The following CA8 variants were observed in gnomAD, a reference collection of about 807,000 sequenced individuals.
CA8 encodes carbonic anhydrase 8 (inactive).
Under a neutral mutation model 41.4 loss-of-function variants are expected in CA8, and 22 were observed. The ratio of observed to expected loss-of-function variants is 0.53; its 90% confidence interval spans 0.38 to 0.76. The LOEUF (loss-of-function observed/expected upper bound fraction) is 0.76. CA8 is among the 30% of genes least tolerant of loss of function. The pLI, the probability that CA8 is intolerant of heterozygous loss-of-function variation, is 0.00. For missense variants in CA8, 270 were observed against 352.8 expected, an observed-to-expected ratio of 0.77 and a Z score of 1.88; for synonymous variants, 121 against 130.6, an observed-to-expected ratio of 0.93 and a Z score of 0.50.
intron 7 of CA8, among the ~76,000 whole-genome samples, chr8:60,217,721 C>T (rs1055414696): frequency 5.9e-5 from 9 of 152,216 alleles, no homozygotes; most frequent in Non-Finnish European, 1.3e-4. Flanking sequence ...CAATACCTTA[C>T]ACTTGCCAGT....
rs776347104 is a variant in CA8, at chr8:60,281,389, C to T, written c.-242G>A. 9.4e-5 allele frequency: 50 copies of T among 534,560 alleles called. No homozygotes were observed. The highest frequency in any genetic ancestry group is 1.5e-4 in the Non-Finnish European group (45 of 298,990). The allele number at this position is 534,560 out of a possible 1,614,324, so 33.1% of individuals were successfully genotyped here. A position where few individuals can be genotyped will look rare whatever the true frequency, so the allele number is the denominator to read the frequency against. On this transcript the variant is annotated 5_prime_UTR_variant, in exon 1 of 9. Transcript: ENST00000317995. ...CGGAGGCCCCAGCAGAGCGAGGGAGCGGCTGTGGCCTGGGGAGCGAGCGCC... is the reference window on the plus strand; with the variant it reads ...CGGAGGCCCCAGCAGAGCGAGGGAGTGGCTGTGGCCTGGGGAGCGAGCGCC...
At chr8:60,256,565 A>G (rs1808647232) in intron 3 of CA8, among the ~76,000 whole-genome samples, 1 of 152,214 alleles carries the variant, frequency 6.6e-6, no homozygotes, top group African/African-American at 2.4e-5. Flanking sequence ...TCCCTGTGCC[A>G]TTTTAAGCTG....
intron 3 of CA8, among the ~76,000 whole-genome samples, chr8:60,262,658 T>C (rs1480315124): frequency 6.6e-6 from 1 of 152,318 alleles, no homozygotes; most frequent in East Asian, 1.9e-4. Context: ...AAATGTACTC[T>C]GGGCAACATA....
intron 8 of CA8, among the ~76,000 whole-genome samples, chr8:60,192,083 T>C (rs1382839597): frequency 6.6e-6 from 1 of 152,268 alleles, no homozygotes; most frequent in African/African-American, 2.4e-5. Flanking sequence ...CTTACTTATA[T>C]ATTTTTCAAA....
Position 60,266,054 on chromosome 8 carries a change from A to G in CA8, c.293-5T>C. 1 of 1,613,406 alleles carries G rather than the reference A, an allele frequency of 6.2e-7. No homozygotes were observed. Among genetic ancestry groups the G allele is most frequent in the East Asian group, 2.2e-5 (1 of 44,874 alleles). ...GCAATGGTCCTCCCGAAAGAACTGA[A>G]AAAGAAAATATATGTTACCGAATTA... On this transcript the variant is annotated splice_region_variant and splice_polypyrimidine_tract_variant and intron_variant, in intron 2 of 8. Coordinates refer to ENST00000317995, the MANE Select transcript of CA8 (RefSeq NM_004056.6).
chr8:60,275,731 A>G (rs1277737713), intron 2 of CA8, among the ~76,000 whole-genome samples: 4 of 152,124 alleles, frequency 2.6e-5, no homozygotes, highest in African/African-American at 9.7e-5. Flanking sequence ...GACTGGAAAA[A>G]CCTACCAAGT....
intron 4 of CA8, among the ~76,000 whole-genome samples, chr8:60,228,585 C>A (rs1181920131): frequency 1.3e-5 from 2 of 152,210 alleles, no homozygotes; most frequent in African/African-American, 4.8e-5. Flanking sequence ...CACCTCTTAG[C>A]TGTGTGGCCT....
Position 60,224,573 on chromosome 8 carries a change from T to C in CA8, c.589A>G (p.Thr197Ala). ...GTGTTAGGATTAAAGCAAGGTATTGTTTTGGACTTCCCCTGAAAAAGAAAA... is the reference window on the plus strand; with the variant it reads ...GTGTTAGGATTAAAGCAAGGTATTGCTTTGGACTTCCCCTGAAAAAGAAAA... The part of the protein sequence containing the change: ...QDIQYKGKSK[T>A]IPCFNPNTLL... The change falls in exon 6 of 9, where the codon ACA becomes GCA. Residue 197 changes from threonine (T) to alanine (A), a missense_variant. Transcript: ENST00000317995. The C allele has an allele frequency of 1.3e-6, 2 of 1,572,198 alleles. No individual in the cohort carries two copies. Among genetic ancestry groups the C allele is most frequent in the Non-Finnish European group, 1.7e-6 (2 of 1,143,154 alleles).
At chr8:60,191,653 G>C (rs1443458836) in intron 8 of CA8, among the ~76,000 whole-genome samples, 1 of 152,096 alleles carries the variant, frequency 6.6e-6, no homozygotes, top group East Asian at 1.9e-4. Flanking sequence ...ACACATTTTG[G>C]AGGACCAGTG....
At chr8:60,207,297 T>C (rs974022208) in intron 8 of CA8, among the ~76,000 whole-genome samples, 3 of 152,236 alleles carry the variant, frequency 2.0e-5, no homozygotes, top group African/African-American at 7.2e-5. Context: ...CACACTTAAT[T>C]AAGTAACCCC....
chr8:60,226,966 C>T (rs1181369116), intron 4 of CA8, 31 bp from the exon 5 acceptor site: 2 of 1,490,292 alleles, frequency 1.3e-6, no homozygotes, highest in East Asian at 4.5e-5. Flanking sequence ...ACCACAACCA[C>T]AACATTTTTC....
At chr8:60,260,149 C>T (rs995325139) in intron 3 of CA8, among the ~76,000 whole-genome samples, 4 of 152,112 alleles carry the variant, frequency 2.6e-5, no homozygotes, top group African/African-American at 9.7e-5. Flanking sequence ...AAAAGCACTG[C>T]CTAGAGCAGA....
intron 3 of CA8, among the ~76,000 whole-genome samples, chr8:60,261,953 G>A (rs10109065): frequency 0.34 from 51,901 of 151,744 alleles, 9,024 homozygotes; most frequent in Non-Finnish European, 0.38. Flanking sequence ...CTCATGATCC[G>A]CCCGCCTCGG....
chr8:60,269,823 G>C (rs927559446), intron 2 of CA8, among the ~76,000 whole-genome samples: 1 of 152,180 alleles, frequency 6.6e-6, no homozygotes, highest in Non-Finnish European at 1.5e-5. Flanking sequence ...AAACTGAATA[G>C]TCTAAATAGA....
chr8:60,278,503 G>T (rs577523245), intron 2 of CA8, among the ~76,000 whole-genome samples: 1 of 152,270 alleles, frequency 6.6e-6, no homozygotes, highest in Admixed American at 6.5e-5. Context: ...AGAACAGTCA[G>T]CATTCAATAA....
intron 2 of CA8, among the ~76,000 whole-genome samples, chr8:60,269,201 T>A (rs1435936918): frequency 6.6e-6 from 1 of 152,216 alleles, no homozygotes; most frequent in Non-Finnish European, 1.5e-5. Flanking sequence ...CTGGTAACCC[T>A]CTTCCAGCAT....
chr8:60,217,685 C>A (rs929336936), intron 7 of CA8, among the ~76,000 whole-genome samples: 3 of 152,204 alleles, frequency 2.0e-5, no homozygotes, highest in African/African-American at 7.2e-5. Context: ...TGCTCTTCCT[C>A]CTTGATTCCC....
At chr8:60,271,900 G>T (rs1804084390) in intron 2 of CA8, among the ~76,000 whole-genome samples, 2 of 133,356 alleles carry the variant, frequency 1.5e-5, no homozygotes, top group South Asian at 4.6e-4. Context: ...TAAATGTCAA[G>T]ATTCCTGAGA....
chr8:60,257,671 C>A (rs1808688342), intron 3 of CA8, among the ~76,000 whole-genome samples: 1 of 152,172 alleles, frequency 6.6e-6, no homozygotes, highest in Non-Finnish European at 1.5e-5. Context: ...AGAAAATTTT[C>A]CTACCCTGTG....
Sources: allele counts gnomAD v4.1 joint callset (sites outside exome capture counted in the v4.1 genomes callset), GRCh38; gene constraint gnomAD v4.1.1; transcripts MANE v1.5; gene names NCBI Gene and HGNC (gene_info 2026-07-23, HGNC 2026-07-21).